Variants in AKAP9 observed in about 807,000 individuals in gnomAD.
AKAP9 encodes A-kinase anchoring protein 9.
Under a neutral mutation model 488.5 loss-of-function variants are expected in AKAP9, and 311 were observed. That is an observed-to-expected ratio of 0.64 (90% CI 0.58 to 0.70). The LOEUF is 0.70. Ranked by LOEUF, AKAP9 falls within the 30% of genes least tolerant of loss-of-function variation. AKAP9 has a pLI of 0.00. For synonymous variants in AKAP9, 1,462 were observed against 1,483.5 expected, an observed-to-expected ratio of 0.99 and a Z score of 0.33; for missense variants, 4,215 against 4,374.5, an observed-to-expected ratio of 0.96 and a Z score of 1.03.
chr7:91,991,902 TTTAATTCAC>T (rs1412624153), intron 3 of AKAP9, among the ~76,000 whole-genome samples: 2 of 152,188 alleles, frequency 1.3e-5, no homozygotes, highest in African/African-American at 4.8e-5. Flanking sequence ...CACTTAGAAC[TTTAATTCAC>T]TTAAGTGAAA....
At chr7:91,941,920 A>G (rs1342563878) in intron 1 of AKAP9, among the ~76,000 whole-genome samples, 1 of 120,952 alleles carries the variant, frequency 8.3e-6, no homozygotes, top group Admixed American at 8.8e-5. Flanking sequence ...GTGAACGGTT[A>G]TGGAAAAGCC....
intron 14 of AKAP9, among the ~76,000 whole-genome samples, chr7:92,029,209 C>A (rs1803817928): frequency 7.4e-6 from 1 of 134,984 alleles, no homozygotes; most frequent in Non-Finnish European, 1.6e-5. Flanking sequence ...AATTTTTAAT[C>A]ATGTAAAAAC....
intron 7 of AKAP9, among the ~76,000 whole-genome samples, chr7:92,000,224 A>G (rs1457921718): frequency 1.3e-5 from 2 of 152,196 alleles, no homozygotes; most frequent in African/African-American, 2.4e-5. Flanking sequence ...CCTAGGACCA[A>G]GTTGTTATGC....
chr7:92,008,376 T>C (rs1800219275), intron 8 of AKAP9, among the ~76,000 whole-genome samples: 2 of 149,742 alleles, frequency 1.3e-5, no homozygotes, highest in Admixed American at 1.3e-4. Flanking sequence ...AAGAAAACAC[T>C]AAAAGTATTA....
chr7:92,103,720 G>A (rs1411632053), intron 46 of AKAP9, among the ~76,000 whole-genome samples: 1 of 151,186 alleles, frequency 6.6e-6, no homozygotes, highest in Non-Finnish European at 1.5e-5. Flanking sequence ...ATCTGAATAA[G>A]CCCATGAACA....
At chr7:91,985,938 C>T (rs991929186) in intron 3 of AKAP9, among the ~76,000 whole-genome samples, 3 of 152,128 alleles carry the variant, frequency 2.0e-5, no homozygotes, top group Admixed American at 6.5e-5. Context: ...TGAGCCACCT[C>T]GCCCAGCCAA....
chr7:92,017,122 T>C lies in AKAP9; in HGVS notation c.3837+20T>C, dbSNP rs1562988070. On this transcript the variant is annotated intron_variant, in intron 12 of 49. Coordinates refer to ENST00000356239, the MANE Select transcript of AKAP9 (RefSeq NM_005751.5). Reference sequence around the variant, plus strand: ...AGCAAGGTCTGTGAGATGGAAAATATATTGTAATATTTGCATTTATTGTAT... The same window carrying C: ...AGCAAGGTCTGTGAGATGGAAAATACATTGTAATATTTGCATTTATTGTAT... The C allele has an allele frequency of 6.7e-7, 1 of 1,492,940 alleles. No homozygotes were observed. The allele number at this position is 1,492,940 out of a possible 1,614,324, so 92.5% of individuals were successfully genotyped here.
At chr7:91,978,753 T>C (rs1286053646) in intron 2 of AKAP9, among the ~76,000 whole-genome samples, 1 of 151,602 alleles carries the variant, frequency 6.6e-6, no homozygotes, top group Non-Finnish European at 1.5e-5. Context: ...TGATTTATTT[T>C]AATTATTATT....
chr7:91,941,882 T>TTGTGTGTGTGTGTG (rs10700954), intron 1 of AKAP9, among the ~76,000 whole-genome samples: 485 of 147,842 alleles, frequency 3.3e-3, no homozygotes, highest in Non-Finnish European at 5.0e-3. Context: ...CGAATCCTGG[T>TTGTGTGTGTGTGTG]TGTGTGTGTG....
chr7:92,042,640 C>T, intron 19 of AKAP9, 28 bp from the exon 20 acceptor site: 1 of 1,518,358 alleles, frequency 6.6e-7, no homozygotes, highest in South Asian at 1.1e-5. Flanking sequence ...CTGTCTTCTC[C>T]TCTCTTCCTT....
intron 8 of AKAP9, among the ~76,000 whole-genome samples, chr7:92,004,727 T>C (rs1323141257): frequency 2.0e-5 from 3 of 152,192 alleles, no homozygotes; most frequent in Admixed American, 2.0e-4. Flanking sequence ...GCTGAGACGA[T>C]GGGGTTTTCT....
In AKAP9 at chr7:91,976,062, G is replaced by A. The variant is rs1413653205; in HGVS notation, c.306+2094G>A. On this transcript the variant is annotated intron_variant, in intron 2 of 49. Coordinates refer to ENST00000356239, the MANE Select transcript of AKAP9 (RefSeq NM_005751.5). ...TCCTGCCTCAGCCTCCTGAGTAGTTGGGATTGTGAGCCATCACGCCCAACT... is the reference window on the plus strand; with the variant it reads ...TCCTGCCTCAGCCTCCTGAGTAGTTAGGATTGTGAGCCATCACGCCCAACT... 7.9e-5 allele frequency among the ~76,000 whole-genome samples: 12 copies of A among 151,664 alleles called. No individual in the cohort carries two copies. The South Asian group carries it at 2.1e-3, about 26-fold the overall frequency.
At position 92,094,893 on chromosome 7, in the gene AKAP9, AATAG is replaced by A. The variant is rs1208747824; in HGVS notation, c.9579-129_9579-126del. ...AAATGAACCCCAGTCAAGAATCTTT[AATAG>A]TTTATATTTTCCTCTTAGCTAGTTT... On this transcript the variant is annotated intron_variant, in intron 39 of 49. Transcript: ENST00000356239. The A allele has an allele frequency of 3.4e-5, 25 of 733,114 alleles. No individual in the cohort carries two copies. The Admixed American group carries it at 4.9e-4, about 14-fold the overall frequency. The allele number at this position is 733,114 out of a possible 1,614,324, so 45.4% of individuals were successfully genotyped here.
chr7:91,946,909 T>C (rs1791521783), intron 1 of AKAP9, among the ~76,000 whole-genome samples: 1 of 152,198 alleles, frequency 6.6e-6, no homozygotes, highest in Admixed American at 6.5e-5. Context: ...CTAAACTATG[T>C]CTACAAAATA....
In AKAP9 at chr7:92,002,234, C is replaced by G; in HGVS notation, c.2317C>G (p.Leu773Val). 1.9e-6 allele frequency: 3 copies of G among 1,596,346 alleles called. No individual in the cohort carries two copies. The highest frequency in any genetic ancestry group is 2.6e-6 in the Non-Finnish European group (3 of 1,175,492). The change falls in exon 8 of 50, where the codon CTT becomes GTT. Residue 773 changes from leucine to valine, a missense_variant. By Grantham distance (32) the Leu-to-Val change is conservative. Coordinates refer to ENST00000356239, the MANE Select transcript of AKAP9 (RefSeq NM_005751.5). ...TGATCTTCAAGAAAAATTTGCACAA[C>G]TTGAAGCAGAGAATAGCATTCTTAA... ...ENDLQEKFAQ[L>V]EAENSILKDE...
At chr7:92,027,120 ATCTCTG>A (rs1563006711) in intron 14 of AKAP9, among the ~76,000 whole-genome samples, 2 of 115,182 alleles carry the variant, frequency 1.7e-5, no homozygotes, top group African/African-American at 3.4e-5. Context: ...AGTGAGGAGC[ATCTCTG>A]CCTGGCCGCC....
rs941603632 is a variant in AKAP9 at position 91,974,386 on chromosome 7, A to G, written c.306+418A>G. On this transcript the variant is annotated intron_variant, in intron 2 of 49. Coordinates refer to ENST00000356239, the MANE Select transcript of AKAP9 (RefSeq NM_005751.5). ...ACCAATACCATTTGTTGAAAAGACT[A>G]TTCTTTTCCCAATGAACTGTCAATG... is the stretch of plus-strand genomic sequence containing the variant. Among the ~76,000 whole-genome samples, 13 of 152,166 alleles carry G rather than the reference A, an allele frequency of 8.5e-5. 1 individual carries two copies. Among genetic ancestry groups the G allele is most frequent in the African/African-American group, 1.4e-4 (6 of 41,448 alleles).
chr7:91,992,468 A>G (rs1252021662), intron 4 of AKAP9, among the ~76,000 whole-genome samples: 3 of 152,108 alleles, frequency 2.0e-5, no homozygotes, highest in Non-Finnish European at 4.4e-5. Flanking sequence ...GTTCGAGACC[A>G]GCCTGACCAA....
At chr7:92,026,960 G>A (rs1803285244) in intron 14 of AKAP9, among the ~76,000 whole-genome samples, 1 of 150,328 alleles carries the variant, frequency 6.7e-6, no homozygotes, top group Non-Finnish European at 1.5e-5. Flanking sequence ...TCTGGGATGT[G>A]GGGAGCGCCT....
Sources: gnomAD v4.1 joint callset for allele counts (sites outside exome capture counted in the v4.1 genomes callset) on GRCh38, gnomAD v4.1.1 for gene constraint, MANE v1.5 for transcripts, NCBI Gene and HGNC (gene_info 2026-07-23, HGNC 2026-07-21) for gene names.